LPAR6: variants seen among roughly 807,000 people sequenced by gnomAD.
The protein encoded by LPAR6 is lysophosphatidic acid receptor 6.
A neutral mutation model predicts 22.0 loss-of-function variants in LPAR6; 17 were observed. The observed-to-expected ratio is 0.77, with a 90% CI of 0.53 to 1.16. The LOEUF is 1.16. LPAR6 is among the 50% of genes most tolerant of loss of function. The pLI, the probability that LPAR6 is intolerant of heterozygous loss-of-function variation, is 0.00. For missense variants in LPAR6, 384 were observed against 406.9 expected (o/e 0.94, Z 0.48); for synonymous variants, 136 against 139.8 (o/e 0.97, Z 0.19).
exon 2 of LPAR6, chr13:48,389,716 G>C (rs1948597401): frequency 1.3e-5 from 2 of 152,252 alleles, no homozygotes. Flanking sequence ...TTCACTCACA[G>C]GTCTGGCATC....
At position 48,412,011 on chromosome 13, in the gene LPAR6, G is replaced by T; in HGVS notation, c.413C>A (p.Thr138Asn). 6.2e-7 allele frequency: 1 copy of T among 1,612,074 alleles called. No homozygotes were observed. The highest frequency in any genetic ancestry group is 1.3e-5 in the African/African-American group (1 of 74,982). ...TCCGATCACAGTTAACCACACGCCA[G>T]TGCAAACAATCTTTGCATTTCTTTT... ...RTKRNAKIVC[T>N]GVWLTVIGGS... The change falls in exon 1 of 1, where the codon ACT (threonine) becomes AAT (asparagine). Residue 138 changes from threonine to asparagine, a missense_variant. Coordinates refer to ENST00000620633, the MANE Select transcript of LPAR6 (RefSeq NM_001162498.3).
upstream of LPAR6, chr13:48,415,649 T>G (rs111816586): frequency 8.5e-5 from 13 of 152,288 alleles, 2 homozygotes; most frequent in African/African-American, 3.1e-4. Context: ...TTTGTTGAAT[T>G]AGGCTTTTCA....
chr13:48,411,135 A>C, downstream of LPAR6: 1 of 342,402 alleles, frequency 2.9e-6, no homozygotes, highest in Admixed American at 4.1e-5. Flanking sequence ...TTTAGACACT[A>C]AATAACTTTA....
rs563991336 is a variant in LPAR6, at chr13:48,404,794, G to A, written n.114+10906C>T. Among the ~76,000 whole-genome samples, 159 of 152,066 alleles carry A rather than the reference G, an allele frequency of 1.0e-3. 1 individual carries two copies. The South Asian group carries it at 0.033, about 31-fold the overall frequency. On this transcript the variant is annotated intron_variant and non_coding_transcript_variant, in intron 1 of 1. Transcript: ENST00000462781. ...CCTGCCTCGGCCTCCCAAAGTGCTG[G>A]AATTATAGGTGTGAGCCACCCCACC... is the stretch of plus-strand genomic sequence containing the variant.
At chr13:48,420,122 G>C (rs565158612) in intron 2 of LPAR6, among the ~76,000 whole-genome samples, 2 of 152,058 alleles carry the variant, frequency 1.3e-5, no homozygotes, top group East Asian at 3.8e-4. Context: ...GATGAATATC[G>C]ACGTGAAAAC....
intron 1 of LPAR6, among the ~76,000 whole-genome samples, chr13:48,399,135 A>T (rs9568038): frequency 2.6e-5 from 4 of 152,026 alleles, no homozygotes; most frequent in African/African-American, 9.7e-5. Context: ...AGGTATTTGG[A>T]TCAACTTTCA....
intron 1 of LPAR6, among the ~76,000 whole-genome samples, chr13:48,403,900 C>T (rs970821222): frequency 6.6e-6 from 1 of 152,052 alleles, no homozygotes; most frequent in Non-Finnish European, 1.5e-5. Context: ...ACTTGGGAGG[C>T]TGAGGAGGGA....
rs1219119726 is a variant in LPAR6, at chr13:48,437,524, C to G, written c.-1474+7029G>C. ...TCCTCATGAGAGATTCTTAAATTGT[C>G]AACCAAGGCTGCAGCTAGTTTAAGG... On this transcript the variant is annotated intron_variant, in intron 1 of 6. Transcript: ENST00000378434. 2.6e-5 allele frequency among the ~76,000 whole-genome samples: 4 copies of G among 152,304 alleles called. No individual in the cohort carries two copies. The East Asian group carries it at 7.7e-4, about 29-fold the overall frequency.
chr13:48,425,712 C>A (rs1949069959), intron 1 of LPAR6, among the ~76,000 whole-genome samples: 1 of 152,072 alleles, frequency 6.6e-6, no homozygotes, highest in African/African-American at 2.4e-5. Context: ...AATGACATGA[C>A]CTTGAGCAAA....
At chr13:48,396,192 A>T (rs1376571761) in intron 1 of LPAR6, among the ~76,000 whole-genome samples, 1 of 152,218 alleles carries the variant, frequency 6.6e-6, no homozygotes, top group Non-Finnish European at 1.5e-5. Flanking sequence ...TAGCCGAGAC[A>T]ATCTTAAGCA....
At chr13:48,397,569 C>T (rs1948658545) in intron 1 of LPAR6, among the ~76,000 whole-genome samples, 1 of 152,076 alleles carries the variant, frequency 6.6e-6, no homozygotes, top group Non-Finnish European at 1.5e-5. Context: ...GTGCAGCAAA[C>T]CACCATGGCA....
chr13:48,435,719 T>C (rs112516269), intron 1 of LPAR6, among the ~76,000 whole-genome samples: 3 of 152,346 alleles, frequency 2.0e-5, no homozygotes, highest in African/African-American at 7.2e-5. Context: ...TTTATTTTTG[T>C]ACAAAGTTTG....
upstream of LPAR6, among the ~76,000 whole-genome samples, chr13:48,414,342 C>CAAA (rs199626771): frequency 1.1e-5 from 1 of 93,122 alleles, no homozygotes; most frequent in Admixed American, 1.2e-4. Context: ...GAGACTATCT[C>CAAA]AAAAAAAAAA....
intron 1 of LPAR6, among the ~76,000 whole-genome samples, chr13:48,434,263 A>T (rs572960734): frequency 4.4e-4 from 67 of 152,126 alleles, no homozygotes; most frequent in South Asian, 1.5e-3. Flanking sequence ...CCTGGACAAC[A>T]TAGTGAGAAT....
chr13:48,417,513 C>A (rs1948933286), upstream of LPAR6, among the ~76,000 whole-genome samples: 3 of 152,118 alleles, frequency 2.0e-5, no homozygotes, highest in South Asian at 6.2e-4. Context: ...AACCAGAATG[C>A]CTTTTCTCTT....
At chr13:48,409,122 C>T (rs1948765521), downstream of LPAR6, among the ~76,000 whole-genome samples, 2 of 148,654 alleles carry the variant, frequency 1.3e-5, no homozygotes, top group South Asian at 4.2e-4. Flanking sequence ...AGTATCTTCA[C>T]TAGTTTTTTG....
intron 2 of LPAR6, among the ~76,000 whole-genome samples, chr13:48,421,093 A>G (rs992319886): frequency 2.6e-5 from 4 of 152,232 alleles, no homozygotes; most frequent in African/African-American, 9.6e-5. Flanking sequence ...CTAAGCAAAA[A>G]GAAGAAAGCT....
chr13:48,400,142 T>C (rs958593759), intron 1 of LPAR6, among the ~76,000 whole-genome samples: 2 of 152,148 alleles, frequency 1.3e-5, no homozygotes, highest in African/African-American at 4.8e-5. Flanking sequence ...TGGAAGTTTG[T>C]CTGATAATTA....
rs193150533 is a variant in LPAR6, at chr13:48,391,692, C to A, written n.115-1880G>T. On this transcript the variant is annotated intron_variant and non_coding_transcript_variant, in intron 1 of 1. Transcript: ENST00000462781. ...GGAGTGCAGTGGCGCGATCTTGGCT[C>A]ACTGCAACCTCCACCTCCTGGGTTC... Among the ~76,000 whole-genome samples the A allele has an allele frequency of 3.3e-3, 507 of 152,198 alleles. 4 individuals are homozygous for A. The highest frequency in any genetic ancestry group is 0.01 in the African/African-American group (425 of 41,518).
Sources: allele counts gnomAD v4.1 joint callset (sites outside exome capture counted in the v4.1 genomes callset), GRCh38; gene constraint gnomAD v4.1.1; transcripts MANE v1.5; gene names NCBI Gene and HGNC (gene_info 2026-07-23, HGNC 2026-07-21).